Variants in DPY19L3 observed in about 807,000 individuals in gnomAD.
DPY19L3 encodes the protein dpy-19 like C-mannosyltransferase 3, also known as protein C-mannosyl-transferase DPY19L3.
In DPY19L3, 51 loss-of-function variants were observed where a neutral mutation model predicts 92.3. The observed-to-expected ratio is 0.55, with a 90% CI of 0.44 to 0.70. The LOEUF (loss-of-function observed/expected upper bound fraction) is 0.70, where lower values mean the gene tolerates loss of function less well. Among genes scored for constraint, DPY19L3 ranks in the 30% least tolerant of loss-of-function variants. The pLI is 0.00. For missense variants in DPY19L3, 706 were observed against 855.9 expected, an observed-to-expected ratio of 0.82 and a Z score of 2.18; for synonymous variants, 309 against 315.2, an observed-to-expected ratio of 0.98 and a Z score of 0.21.
intron 8 of DPY19L3, among the ~76,000 whole-genome samples, chr19:32,443,598 C>T (rs1265180850): frequency 2.0e-5 from 3 of 152,110 alleles, no homozygotes; most frequent in Non-Finnish European, 4.4e-5. Flanking sequence ...TGCCAGCCTC[C>T]GGAACTATGA....
intron 8 of DPY19L3, among the ~76,000 whole-genome samples, chr19:32,444,820 C>T (rs754082322): frequency 1.2e-4 from 18 of 151,760 alleles, no homozygotes; most frequent in Non-Finnish European, 1.9e-4. Flanking sequence ...CAGTGACTCA[C>T]GCCTGTAATC....
rs538438193 is a variant in DPY19L3 at position 32,415,220 on chromosome 19, A to G, written c.237+3848A>G. Among the ~76,000 whole-genome samples, 8 of 152,324 alleles carry G rather than the reference A, an allele frequency of 5.3e-5. No individual in the cohort carries two copies. The East Asian group carries it at 1.5e-3, about 29-fold the overall frequency. Reference sequence around the variant, plus strand: ...TCGGTGCTAGGATGGGGTGAGATAGAGAGCACTGTGGGAGCACATAGGAGT... The same window carrying G: ...TCGGTGCTAGGATGGGGTGAGATAGGGAGCACTGTGGGAGCACATAGGAGT... On this transcript the variant is annotated intron_variant, in intron 3 of 18. Transcript: ENST00000392250.
At chr19:32,460,191 A>G (rs1599656425) in intron 12 of DPY19L3, among the ~76,000 whole-genome samples, 1 of 152,086 alleles carries the variant, frequency 6.6e-6, no homozygotes, top group Non-Finnish European at 1.5e-5. Flanking sequence ...GCTTAAGGCT[A>G]GGAGTTCTAG....
intron 3 of DPY19L3, among the ~76,000 whole-genome samples, chr19:32,428,392 A>G (rs1350126469): frequency 6.6e-6 from 1 of 152,138 alleles, no homozygotes; most frequent in Non-Finnish European, 1.5e-5. Flanking sequence ...TGTAGGGACC[A>G]CTGCAATGAG....
intron 8 of DPY19L3, among the ~76,000 whole-genome samples, chr19:32,452,027 C>G (rs1045701202): frequency 6.6e-6 from 1 of 152,184 alleles, no homozygotes. Context: ...CACGGTCTCG[C>G]TATGTTGCCC....
intron 18 of DPY19L3, 46 bp downstream of exon 18, chr19:32,480,603 G>A (rs769384950): frequency 8.3e-6 from 13 of 1,569,576 alleles, no homozygotes; most frequent in East Asian, 2.3e-5. Context: ...TGGAGGGGCG[G>A]GACTCTGATT....
chr19:32,450,755 A>G (rs1180485309), intron 8 of DPY19L3, among the ~76,000 whole-genome samples: 1 of 152,184 alleles, frequency 6.6e-6, no homozygotes, highest in Non-Finnish European at 1.5e-5. Flanking sequence ...TTTCTTTCGA[A>G]GTGATGAGAA....
intron 8 of DPY19L3, among the ~76,000 whole-genome samples, chr19:32,447,588 G>A (rs1193116146): frequency 1.3e-5 from 2 of 151,944 alleles, no homozygotes; most frequent in African/African-American, 2.4e-5. Flanking sequence ...GTGGTGGTGG[G>A]TACCTGTAAT....
chr19:32,437,345 T>C lies in DPY19L3; in HGVS notation c.596+6T>C, dbSNP rs1400581319. Reference sequence around the variant, plus strand: ...TTCTGGTATGTCACAAATAGGTGAGTTGGAGTCAGTATGCTTCTTTTTTTT... The same window carrying C: ...TTCTGGTATGTCACAAATAGGTGAGCTGGAGTCAGTATGCTTCTTTTTTTT... On this transcript the variant is annotated splice_donor_region_variant and intron_variant, in intron 6 of 18. Coordinates refer to ENST00000392250, the MANE Select transcript of DPY19L3 (RefSeq NM_001172774.2). 1.2e-6 allele frequency: 2 copies of C among 1,609,994 alleles called. No homozygotes were observed. The highest frequency in any genetic ancestry group is 1.7e-6 in the Non-Finnish European group (2 of 1,177,996).
At chr19:32,473,649 G>A (rs994817347) in intron 16 of DPY19L3, among the ~76,000 whole-genome samples, 2 of 152,178 alleles carry the variant, frequency 1.3e-5, no homozygotes, top group East Asian at 1.9e-4. Flanking sequence ...TTTGGCATTT[G>A]CCTTACGGGT....
intron 16 of DPY19L3, among the ~76,000 whole-genome samples, chr19:32,471,245 AAG>A (rs1210427078): frequency 6.6e-6 from 1 of 152,202 alleles, no homozygotes; most frequent in East Asian, 1.9e-4. Flanking sequence ...CTGTGTCTGA[AAG>A]AGTCCCAAGA....
At chr19:32,480,702 C>G (rs8106747) in intron 18 of DPY19L3, 145 bp downstream of exon 18, 552,101 of 1,172,402 alleles carry the variant, frequency 0.47, 137,074 homozygotes, top group Non-Finnish European at 0.52. Context: ...TTGCTTCCTA[C>G]AGAAGCCCTC....
rs1970464006 is a variant in DPY19L3 at position 32,475,007 on chromosome 19, CTT to C, written c.1698-2513_1698-2512del. Among the ~76,000 whole-genome samples, 6 of 152,308 alleles carry C rather than the reference CTT, an allele frequency of 3.9e-5. No homozygotes were observed. The South Asian group carries it at 1.2e-3, about 32-fold the overall frequency. Reference sequence around the variant, plus strand: ...TAACTCCCTAGAGGGCAGTTTAGGACTTTGGGCATTTAAGCCTTTGTGAACTC... The same window carrying C: ...TAACTCCCTAGAGGGCAGTTTAGGACTGGGCATTTAAGCCTTTGTGAACTC... On this transcript the variant is annotated intron_variant, in intron 16 of 18. Coordinates refer to ENST00000392250, the MANE Select transcript of DPY19L3 (RefSeq NM_001172774.2).
chr19:32,467,297 T>C (rs570412151), intron 15 of DPY19L3, among the ~76,000 whole-genome samples: 1 of 152,312 alleles, frequency 6.6e-6, no homozygotes, highest in South Asian at 2.1e-4. Context: ...TAGAAAAATA[T>C]CTAATATTCA....
At chr19:32,425,137 AAATG>A (rs1568329974) in intron 3 of DPY19L3, among the ~76,000 whole-genome samples, 1 of 152,248 alleles carries the variant, frequency 6.6e-6, no homozygotes, top group African/African-American at 2.4e-5. Flanking sequence ...GAAAATATGC[AAATG>A]AATCTTTTAT....
chr19:32,412,773 TA>T (rs1319098485), intron 3 of DPY19L3: 1 of 151,912 alleles, frequency 6.6e-6, no homozygotes, highest in African/African-American at 2.4e-5. Flanking sequence ...CTACTAAAAA[TA>T]CAAAAATTAG....
rs531529737 is a variant in DPY19L3, at chr19:32,424,552, C to G, written c.238-8164C>G. ...GGGTGCAATGGGATGATCACCTGAG[C>G]TCAGGAAGCCAAGTCTTCAGTGAGC... is the stretch of plus-strand genomic sequence containing the variant. On this transcript the variant is annotated intron_variant, in intron 3 of 18. Transcript: ENST00000392250. 7.9e-5 allele frequency among the ~76,000 whole-genome samples: 12 copies of G among 151,924 alleles called. No individual in the cohort carries two copies. In the South Asian group the frequency reaches 1.7e-3, roughly 21 times the overall value.
intron 16 of DPY19L3, among the ~76,000 whole-genome samples, chr19:32,474,423 C>G (rs1970444464): frequency 6.6e-6 from 1 of 152,208 alleles, no homozygotes; most frequent in South Asian, 2.1e-4. Context: ...GGGAGCCACT[C>G]AAGAGCTCTT....
intron 16 of DPY19L3, among the ~76,000 whole-genome samples, chr19:32,469,376 C>T (rs1160674091): frequency 6.6e-6 from 1 of 151,824 alleles, no homozygotes; most frequent in Non-Finnish European, 1.5e-5. Context: ...TGGCAGGTGC[C>T]TCCTAGCTAC....
Sources: allele counts gnomAD v4.1 joint callset (sites outside exome capture counted in the v4.1 genomes callset), GRCh38; gene constraint gnomAD v4.1.1; transcripts MANE v1.5; gene names NCBI Gene and HGNC (gene_info 2026-07-23, HGNC 2026-07-21).